The following PROX1 variants were observed in gnomAD, a reference collection of about 807,000 sequenced individuals.
The protein encoded by PROX1 is prospero homeobox 1.
In PROX1, 7 loss-of-function variants were observed where a neutral mutation model predicts 58.8. That is an observed-to-expected ratio of 0.12 (90% CI 0.07 to 0.22). The LOEUF is 0.22. Among genes scored for constraint, PROX1 ranks in the 10% least tolerant of loss-of-function variants. The pLI, the probability that PROX1 is intolerant of heterozygous loss-of-function variation, is 1.00. For synonymous variants in PROX1, 350 were observed against 358.3 expected (o/e 0.98, Z 0.26); for missense variants, 675 against 927.8 (o/e 0.73, Z 3.54).
chr1:214,028,451 G>C (rs925235920), intron 4 of PROX1, among the ~76,000 whole-genome samples: 12 of 152,082 alleles, frequency 7.9e-5, no homozygotes, highest in African/African-American at 2.9e-4. Flanking sequence ...ATTATGAAAT[G>C]GCCAAAATAA....
At chr1:213,995,443 A>G (rs867047838) in intron 1 of PROX1, among the ~76,000 whole-genome samples, 1 of 149,758 alleles carries the variant, frequency 6.7e-6, no homozygotes, top group South Asian at 2.1e-4. Context: ...TTCTTTATAT[A>G]TCTTCTTTCA....
intron 4 of PROX1, among the ~76,000 whole-genome samples, chr1:214,019,779 C>T (rs1181017526): frequency 3.3e-5 from 5 of 152,322 alleles, no homozygotes; most frequent in African/African-American, 4.8e-5. Context: ...TGTCCCACGC[C>T]GCAAATGCTT....
At chr1:214,007,809 A>G (rs1383369839) in intron 3 of PROX1, among the ~76,000 whole-genome samples, 1 of 152,228 alleles carries the variant, frequency 6.6e-6, no homozygotes, top group Non-Finnish European at 1.5e-5. Flanking sequence ...TGAATATACA[A>G]TCCAAACTTT....
chr1:214,027,027 A>G (rs576891568), intron 4 of PROX1, among the ~76,000 whole-genome samples: 4 of 152,172 alleles, frequency 2.6e-5, no homozygotes, highest in Non-Finnish European at 5.9e-5. Context: ...GAGGATGTCA[A>G]GTGGTCTGAC....
intron 4 of PROX1, 102 bp downstream of exon 4, chr1:214,011,817 A>C: frequency 1.0e-6 from 1 of 977,646 alleles, no homozygotes; most frequent in African/African-American, 1.7e-5. Flanking sequence ...TTGGTTTCGC[A>C]TACAAGCATC....
chr1:214,018,918 T>C (rs1169511658), intron 4 of PROX1, among the ~76,000 whole-genome samples: 1 of 152,192 alleles, frequency 6.6e-6, no homozygotes, highest in Non-Finnish European at 1.5e-5. Flanking sequence ...AAAATTAAAG[T>C]TCTTCTTATG....
At chr1:213,996,416 T>C in intron 1 of PROX1, 53 bp from the exon 2 acceptor site, 1 of 1,258,516 alleles carries the variant, frequency 7.9e-7, no homozygotes, top group South Asian at 1.7e-5. Flanking sequence ...GGTCAGGAAA[T>C]TTGGAGAAAT....
intron 3 of PROX1, among the ~76,000 whole-genome samples, chr1:214,006,825 A>G (rs1182421849): frequency 1.3e-5 from 2 of 152,120 alleles, no homozygotes; most frequent in East Asian, 3.9e-4. Context: ...CATTCCTTTT[A>G]GGGCAATGAT....
intron 2 of PROX1, among the ~76,000 whole-genome samples, chr1:214,000,012 T>G (rs1663435751): frequency 6.6e-6 from 1 of 151,270 alleles, no homozygotes; most frequent in Admixed American, 6.6e-5. Context: ...GTAGTTGTGA[T>G]AGTGGGTTCT....
intron 4 of PROX1, among the ~76,000 whole-genome samples, chr1:214,021,966 TG>T (rs1370620240): frequency 1.3e-5 from 2 of 152,214 alleles, no homozygotes; most frequent in Non-Finnish European, 2.9e-5. Flanking sequence ...ATGACAGCTC[TG>T]GGGGAAAGCT....
rs911745666 is a variant in PROX1 at position 213,997,347 on chromosome 1, A to T, written c.812A>T (p.Asp271Val). ...AGCACTGATTCGGAAAATGATGAAG[A>T]TGGTAACCTGTCTGAAGACAGCATG... is the stretch of plus-strand genomic sequence containing the variant. ...YDSTDSENDE[D>V]GNLSEDSMRS... Residue 271 changes from aspartate (D) to valine (V), a missense_variant, in exon 2 of 5, where the codon GAT (aspartate) becomes GTT (valine). By Grantham distance (152) the Asp-to-Val change is radical (BLOSUM62 -3). Coordinates refer to ENST00000366958, the MANE Select transcript of PROX1 (RefSeq NM_001270616.2). The surrounding 1 kb of genome is among the most constrained non-coding windows in gnomAD (Gnocchi z 7.1). 6.2e-7 allele frequency: 1 copy of T among 1,613,988 alleles called. No individual in the cohort carries two copies. The highest frequency in any genetic ancestry group is 1.3e-5 in the African/African-American group (1 of 74,898).
Position 213,998,383 on chromosome 1 carries a change from T to C in PROX1, c.1725+123T>C, listed in dbSNP as rs956778534. On this transcript the variant is annotated intron_variant, in intron 2 of 4. Transcript: ENST00000366958. ...TTCTTAAGAAGGCAACCTTTCCCAT[T>C]ATTCAAAGGAATAGGCTTTTATCAG... The C allele has an allele frequency of 2.5e-6, 3 of 1,192,164 alleles. No homozygotes were observed. The African/African-American group carries it at 4.6e-5, about 18-fold the overall frequency. The allele number at this position is 1,192,164 out of a possible 1,614,324, so 73.8% of individuals were successfully genotyped here.
intron 1 of PROX1, among the ~76,000 whole-genome samples, chr1:213,994,093 G>A (rs950317197): frequency 6.6e-6 from 1 of 152,180 alleles, no homozygotes; most frequent in Non-Finnish European, 1.5e-5. Context: ...AGTTGACGCA[G>A]AGGTAAATGG....
At chr1:214,022,974 A>G (rs975046091) in intron 4 of PROX1, among the ~76,000 whole-genome samples, 4 of 152,142 alleles carry the variant, frequency 2.6e-5, no homozygotes, top group Non-Finnish European at 5.9e-5. Context: ...CAGCTTAATT[A>G]TCTCAGTCAA....
Position 214,036,994 on chromosome 1 carries a change from A to G in PROX1, c.*1160A>G, listed in dbSNP as rs556400793. 1 of 152,386 alleles carries G rather than the reference A, an allele frequency of 6.6e-6. No homozygotes were observed. The highest frequency in any genetic ancestry group is 2.1e-4 in the South Asian group (1 of 4,830). 9.4% of individuals were successfully genotyped at this position (152,386 alleles called of 1,614,324 possible). ...GGTATAACATTTTAAAGCAATTGATAATGCCTCTTCCAATTCAGAAGCTAG... is the reference window on the plus strand; with the variant it reads ...GGTATAACATTTTAAAGCAATTGATGATGCCTCTTCCAATTCAGAAGCTAG... On this transcript the variant is annotated 3_prime_UTR_variant, in exon 5 of 5. Transcript: ENST00000366958.
At position 214,038,410 on chromosome 1, in the gene PROX1, A is replaced by G. The variant is rs1028856743; in HGVS notation, c.*2576A>G. The G allele has an allele frequency of 1.3e-5, 2 of 151,528 alleles. No homozygotes were observed. Among genetic ancestry groups the G allele is most frequent in the South Asian group, 2.1e-4 (1 of 4,822 alleles). 9.4% of individuals were successfully genotyped at this position (151,528 alleles called of 1,614,324 possible). On this transcript the variant is annotated 3_prime_UTR_variant, in exon 5 of 5. Transcript: ENST00000366958. ...GTTTGATTTTTTTTTTTTAATCACC[A>G]TCTTTCAAATCTTAGCTCAACTCTC... is the stretch of plus-strand genomic sequence containing the variant.
chr1:214,024,072 C>G (rs927612452), intron 4 of PROX1, among the ~76,000 whole-genome samples: 1 of 151,600 alleles, frequency 6.6e-6, no homozygotes, highest in Non-Finnish European at 1.5e-5. Flanking sequence ...TTCAACAAGG[C>G]CAGTCCTAGG....
At chr1:214,011,370 C>T in intron 3 of PROX1, 151 bp from the exon 4 acceptor site, 1 of 619,956 alleles carries the variant, frequency 1.6e-6, no homozygotes, top group Non-Finnish European at 2.7e-6. Context: ...TATTCTTCCT[C>T]TTGCCTCTCT....
chr1:214,022,563 G>A (rs970783514), intron 4 of PROX1, among the ~76,000 whole-genome samples: 4 of 152,286 alleles, frequency 2.6e-5, no homozygotes, highest in Non-Finnish European at 5.9e-5. Context: ...CTGAAAAGGC[G>A]ACACTAGCCT....
Sources: allele counts gnomAD v4.1 joint callset (sites outside exome capture counted in the v4.1 genomes callset), GRCh38; gene constraint gnomAD v4.1.1; non-coding constraint Gnocchi (gnomAD v3.1); transcripts MANE v1.5; gene names NCBI Gene and HGNC (gene_info 2026-07-23, HGNC 2026-07-21).